The following FAM110B variants were observed in gnomAD, a reference collection of about 807,000 sequenced individuals.
FAM110B encodes protein FAM110B.
FAM110B carries 6 observed loss-of-function variants against 20.4 expected under a neutral mutation model. That is an observed-to-expected ratio of 0.29 (90% CI 0.16 to 0.58). The LOEUF is 0.58. Among genes scored for constraint, FAM110B ranks in the 20% least tolerant of loss-of-function variants. The probability of loss-of-function intolerance (pLI) is 0.90; values close to 1 mark genes in which losing one functional copy is unlikely to be tolerated. For synonymous variants in FAM110B, 226 were observed against 214.1 expected (o/e 1.06, Z -0.49); for missense variants, 434 against 498.2 (o/e 0.87, Z 1.23).
chr8:58,134,358 G>A (rs560723863), intron 3 of FAM110B, among the ~76,000 whole-genome samples: 1 of 152,248 alleles, frequency 6.6e-6, no homozygotes, highest in South Asian at 2.1e-4. Context: ...GTGCTAATGT[G>A]TTTCTTAGGT....
At chr8:58,117,438 G>T (rs1355819144) in intron 3 of FAM110B, among the ~76,000 whole-genome samples, 2 of 152,130 alleles carry the variant, frequency 1.3e-5, no homozygotes, top group Non-Finnish European at 2.9e-5. Flanking sequence ...GCAAATTTGG[G>T]GGAGGCTTTA....
rs140310434 is a variant in FAM110B at position 58,120,324 on chromosome 8, A to G, written c.-324-25583A>G. On this transcript the variant is annotated intron_variant, in intron 3 of 3. Coordinates refer to ENST00000519262, the MANE Select transcript of FAM110B (RefSeq NM_001377989.1). ...TATCCACTGAACTATCCACTTTTTCATCTTCCTGATCTAGCCCCTCTCGTC... is the reference window on the plus strand; with the variant it reads ...TATCCACTGAACTATCCACTTTTTCGTCTTCCTGATCTAGCCCCTCTCGTC... Among the ~76,000 whole-genome samples the G allele has an allele frequency of 3.4e-3, 517 of 151,846 alleles. 4 individuals carry two copies. The highest frequency in any genetic ancestry group is 0.012 in the African/African-American group (496 of 41,406).
At chr8:58,116,279 G>C (rs897911355) in intron 3 of FAM110B, among the ~76,000 whole-genome samples, 3 of 152,116 alleles carry the variant, frequency 2.0e-5, no homozygotes, top group Non-Finnish European at 4.4e-5. Flanking sequence ...CATTCAGAAA[G>C]CTCCCTCTAA....
intron 2 of FAM110B, among the ~76,000 whole-genome samples, chr8:58,059,488 T>G (rs1355478706): frequency 2.6e-5 from 4 of 152,112 alleles, no homozygotes; most frequent in Non-Finnish European, 4.4e-5. Flanking sequence ...GTTTTTAATT[T>G]GCATTTCCCT....
intron 3 of FAM110B, among the ~76,000 whole-genome samples, chr8:58,103,418 C>T (rs1806833707): frequency 1.3e-5 from 2 of 150,046 alleles, no homozygotes; most frequent in South Asian, 2.1e-4. Flanking sequence ...TGAGAATATG[C>T]GGTGTTTGGT....
At chr8:58,030,977 C>T (rs903711903) in intron 1 of FAM110B, among the ~76,000 whole-genome samples, 1 of 152,054 alleles carries the variant, frequency 6.6e-6, no homozygotes, top group East Asian at 1.9e-4. Flanking sequence ...TCGGTCCAGT[C>T]GATGTTAATT....
chr8:58,022,659 T>C (rs910125769), intron 1 of FAM110B, among the ~76,000 whole-genome samples: 2 of 152,200 alleles, frequency 1.3e-5, no homozygotes, highest in Non-Finnish European at 1.5e-5. Flanking sequence ...TATGCTTAAT[T>C]TTTGTAGAAC....
chr8:58,035,755 T>C (rs1001157078), intron 2 of FAM110B, among the ~76,000 whole-genome samples: 2 of 152,218 alleles, frequency 1.3e-5, no homozygotes, highest in African/African-American at 4.8e-5. Context: ...AGAAAGACAT[T>C]GTAGTGGGAG....
intron 2 of FAM110B, among the ~76,000 whole-genome samples, chr8:58,067,536 T>C (rs1367237546): frequency 1.3e-5 from 2 of 152,142 alleles, no homozygotes; most frequent in Non-Finnish European, 2.9e-5. Context: ...TTTGCCACAC[T>C]CCAGCTGAGG....
chr8:58,078,825 C>T (rs989850269), intron 3 of FAM110B, among the ~76,000 whole-genome samples: 1 of 152,096 alleles, frequency 6.6e-6, no homozygotes, highest in Admixed American at 6.5e-5. Context: ...GCTGGGATTA[C>T]AGGTGTGAGC....
At chr8:58,095,932 G>A (rs1195030199) in intron 3 of FAM110B, among the ~76,000 whole-genome samples, 2 of 152,160 alleles carry the variant, frequency 1.3e-5, no homozygotes, top group African/African-American at 4.8e-5. Flanking sequence ...CCTGTATTGT[G>A]TGCATATATA....
chr8:58,037,692 A>G (rs1345605011), intron 2 of FAM110B, among the ~76,000 whole-genome samples: 1 of 152,158 alleles, frequency 6.6e-6, no homozygotes, highest in African/African-American at 2.4e-5. Flanking sequence ...TGATGATGAA[A>G]TTCTTTTTTC....
intron 3 of FAM110B, among the ~76,000 whole-genome samples, chr8:58,078,644 A>G (rs6991448): frequency 0.35 from 50,920 of 145,682 alleles, 12,311 homozygotes; most frequent in African/African-American, 0.7. Context: ...TCCGCCTTCC[A>G]GGTTCACGCC....
At chr8:58,021,163 C>G (rs1365150929) in intron 1 of FAM110B, among the ~76,000 whole-genome samples, 1 of 152,136 alleles carries the variant, frequency 6.6e-6, no homozygotes, top group African/African-American at 2.4e-5. Context: ...TCTCTTGCCC[C>G]CGGATGCTGA....
rs368594517 is a variant in FAM110B at position 58,146,533 on chromosome 8, C to T, written c.303C>T (p.Phe101=). ...TGGGCAGCCCCACGCTCAAAGTGTT[C>T]GGCAACCACGCCAAGACCGAGAGCG... is the stretch of plus-strand genomic sequence containing the variant. The part of the protein sequence containing the change: ...RALGSPTLKV[F]GNHAKTESGV... Residue 101 remains phenylalanine, a synonymous_variant, in exon 4 of 4, where the codon TTC becomes TTT. Transcript: ENST00000519262. The T allele has an allele frequency of 4.3e-6, 7 of 1,613,944 alleles. No individual in the cohort carries two copies. Among genetic ancestry groups the T allele is most frequent in the East Asian group, 4.5e-5 (2 of 44,868 alleles).
intron 1 of FAM110B, among the ~76,000 whole-genome samples, chr8:58,027,276 T>C (rs957218015): frequency 2.0e-5 from 3 of 152,150 alleles, no homozygotes; most frequent in Non-Finnish European, 4.4e-5. Flanking sequence ...TGATTATTGG[T>C]TTTTCTTTTT....
intron 2 of FAM110B, among the ~76,000 whole-genome samples, chr8:58,039,574 G>A (rs556546799): frequency 7.9e-5 from 12 of 152,306 alleles, no homozygotes; most frequent in African/African-American, 2.9e-4. Flanking sequence ...CATTTAAGAA[G>A]TTTTGTCTGT....
At chr8:58,043,731 T>C (rs1222688506) in intron 2 of FAM110B, among the ~76,000 whole-genome samples, 1 of 152,212 alleles carries the variant, frequency 6.6e-6, no homozygotes, top group African/African-American at 2.4e-5. Context: ...TAGTTTGCTA[T>C]TGCCAGGCAC....
At chr8:58,072,807 C>T (rs1345119242) in intron 2 of FAM110B, among the ~76,000 whole-genome samples, 2 of 152,210 alleles carry the variant, frequency 1.3e-5, no homozygotes, top group East Asian at 3.9e-4. Context: ...AAGTGGTCAC[C>T]AGTTTAAAAA....
Sources: gnomAD v4.1 joint callset for allele counts (sites outside exome capture counted in the v4.1 genomes callset) on GRCh38, gnomAD v4.1.1 for gene constraint, MANE v1.5 for transcripts, NCBI Gene and HGNC (gene_info 2026-07-23, HGNC 2026-07-21) for gene names.